The following SMYD2 variants were observed in gnomAD, a reference collection of about 807,000 sequenced individuals.
The protein encoded by SMYD2 is SET and MYND domain containing 2.
In SMYD2, 53 loss-of-function variants were observed where a neutral mutation model predicts 59.1. The observed-to-expected ratio is 0.90, with a 90% confidence interval of 0.72 to 1.13. The LOEUF (loss-of-function observed/expected upper bound fraction) is 1.13, where lower values mean the gene tolerates loss of function less well. Ranked by LOEUF, SMYD2 falls within the 50% of genes most tolerant of loss-of-function variation. The pLI is 0.00. For synonymous variants in SMYD2, 208 were observed against 198.8 expected (o/e 1.05, Z -0.39); for missense variants, 494 against 544.7 (o/e 0.91, Z 0.93).
At chr1:214,324,778 T>C in intron 6 of SMYD2, 70 bp downstream of exon 6, 1 of 1,415,328 alleles carries the variant, frequency 7.1e-7, no homozygotes, top group Non-Finnish European at 9.8e-7. Context: ...TTTTTCATTT[T>C]TAAATAACCC....
At position 214,332,030 on chromosome 1, in the gene SMYD2, T is replaced by C; in HGVS notation, c.950T>C (p.Leu317Pro). ...RAKHYKSPSE[L>P]LEICELSQEK... ...GACTCCACAGCACCCCCTAGTGAGCTGCTGGAGATCTGCGAGCTCAGCCAG... is the reference window on the plus strand; with the variant it reads ...GACTCCACAGCACCCCCTAGTGAGCCGCTGGAGATCTGCGAGCTCAGCCAG... Residue 317 changes from leucine (L) to proline (P), a missense_variant, in exon 10 of 12, where the codon CTG becomes CCG. By Grantham distance (98) the Leu-to-Pro change is moderately conservative (BLOSUM62 -3). Transcript: ENST00000366957. 1 of 1,613,196 alleles carries C rather than the reference T, an allele frequency of 6.2e-7. No individual in the cohort carries two copies. The highest frequency in any genetic ancestry group is 8.5e-7 in the Non-Finnish European group (1 of 1,179,900).
chr1:214,283,536 C>T (rs1218167778), intron 1 of SMYD2, among the ~76,000 whole-genome samples: 2 of 152,122 alleles, frequency 1.3e-5, no homozygotes, highest in Admixed American at 6.5e-5. Flanking sequence ...TATCCTTGTA[C>T]CCTACTTCAT....
intron 11 of SMYD2, among the ~76,000 whole-genome samples, chr1:214,336,159 A>G (rs1377151475): frequency 1.9e-5 from 1 of 52,532 alleles, no homozygotes; most frequent in Non-Finnish European, 3.8e-5. Flanking sequence ...TCGTTTCTCC[A>G]GCTGGATATT....
rs556440975 is a variant in SMYD2 at position 214,329,603 on chromosome 1, C to G, written c.706-565C>G. Among the ~76,000 whole-genome samples, 3 of 152,326 alleles carry G rather than the reference C, an allele frequency of 2.0e-5. No homozygotes were observed. The East Asian group carries it at 5.8e-4, about 29-fold the overall frequency. The stretch of plus-strand genomic sequence containing the variant: ...GCCCGCTGGGCCAGGCCGCAGCATT[C>G]TGGTGTCCTAGAAGATGTGTTCACC... On this transcript the variant is annotated intron_variant, in intron 7 of 11. Coordinates refer to ENST00000366957, the MANE Select transcript of SMYD2 (RefSeq NM_020197.3).
At chr1:214,296,826 A>G (rs1656737348) in intron 1 of SMYD2, among the ~76,000 whole-genome samples, 1 of 152,054 alleles carries the variant, frequency 6.6e-6, no homozygotes, top group Admixed American at 6.6e-5. Context: ...TTCATCCTAA[A>G]TTGTGAGACA....
intron 9 of SMYD2, chr1:214,331,765 T>C (rs1657356783): frequency 5.3e-6 from 2 of 374,266 alleles, no homozygotes; most frequent in African/African-American, 4.1e-5. Flanking sequence ...TTAATCAACA[T>C]TGTTTACATC....
Position 214,320,327 on chromosome 1 carries a change from A to G in SMYD2, c.534+1344A>G, listed in dbSNP as rs77559516. On this transcript the variant is annotated intron_variant, in intron 5 of 11. Coordinates refer to ENST00000366957, the MANE Select transcript of SMYD2 (RefSeq NM_020197.3). ...ACGTAAAGATTAAGTGGAAGTTCAC[A>G]GTTGTCTTCCGAGTTGTGGAAAAAT... Among the ~76,000 whole-genome samples, 593 of 152,350 alleles carry G rather than the reference A, an allele frequency of 3.9e-3. 2 individuals carry two copies. The highest frequency in any genetic ancestry group is 7.1e-3 in the Non-Finnish European group (485 of 68,032).
At chr1:214,305,401 A>C in intron 2 of SMYD2, 151 bp downstream of exon 2, 1 of 742,748 alleles carries the variant, frequency 1.3e-6, no homozygotes, top group Non-Finnish European at 2.3e-6. Context: ...CCCCGACCTC[A>C]CAGGCGGCCA....
At chr1:214,324,577 A>G in intron 5 of SMYD2, 64 bp from the exon 6 acceptor site, 1 of 1,397,610 alleles carries the variant, frequency 7.2e-7, no homozygotes, top group Non-Finnish European at 9.9e-7. Flanking sequence ...ATTTAAAAAA[A>G]TGATCTCTAC....
intron 11 of SMYD2, among the ~76,000 whole-genome samples, chr1:214,336,255 A>G (rs1657434463): frequency 6.6e-6 from 1 of 152,138 alleles, no homozygotes; most frequent in South Asian, 2.1e-4. Context: ...AACCAAGGCC[A>G]GGCACGGTGG....
intron 6 of SMYD2, among the ~76,000 whole-genome samples, chr1:214,325,016 GT>G: frequency 6.6e-6 from 1 of 152,346 alleles, no homozygotes; most frequent in South Asian, 2.1e-4. Flanking sequence ...CTGCCTATCT[GT>G]GGTTCTGGAA....
chr1:214,308,143 C>T (rs1367011415), intron 2 of SMYD2, among the ~76,000 whole-genome samples: 4 of 152,204 alleles, frequency 2.6e-5, no homozygotes, highest in African/African-American at 2.4e-5. Flanking sequence ...TCCTGTGCTT[C>T]TGTTAAGTAT....
At position 214,281,413 on chromosome 1, in the gene SMYD2, G is replaced by C. The variant is rs772152951; in HGVS notation, c.159G>C (p.Glu53Asp). 5 of 1,447,428 alleles carry C rather than the reference G, an allele frequency of 3.5e-6. No homozygotes were observed. Among genetic ancestry groups the C allele is most frequent in the Non-Finnish European group, 4.6e-6 (5 of 1,095,688 alleles). 89.7% of individuals were successfully genotyped at this position (1,447,428 alleles called of 1,614,324 possible). Residue 53 changes from glutamate (E) to aspartate (D), a missense_variant, in exon 1 of 12, where the codon GAG (glutamate) becomes GAC (aspartate). Glu to Asp is a conservative substitution (Grantham distance 45, BLOSUM62 2). Coordinates refer to ENST00000366957, the MANE Select transcript of SMYD2 (RefSeq NM_020197.3). ...LTVNERGNHC[E>D]YCFTRKEGLS... ...TCAACGAGCGGGGCAACCACTGCGA[G>C]TACTGCTTCACCAGGTAGGGCGGCG...
intron 10 of SMYD2, chr1:214,332,693 A>C (rs966763827): frequency 6.5e-5 from 10 of 153,178 alleles, no homozygotes; most frequent in African/African-American, 2.4e-4. Context: ...AAAAGAAACA[A>C]AAATTGCTTT....
intron 5 of SMYD2, 121 bp downstream of exon 5, chr1:214,319,104 G>T: frequency 7.5e-7 from 1 of 1,331,516 alleles, no homozygotes. Flanking sequence ...TGACAACGAA[G>T]CTCTGAGCCA....
chr1:214,281,642 C>T (rs1481710553), intron 1 of SMYD2, among the ~76,000 whole-genome samples: 2 of 152,190 alleles, frequency 1.3e-5, no homozygotes, highest in Non-Finnish European at 2.9e-5. Flanking sequence ...GACCGGTGCC[C>T]CGCTGCACGC....
chr1:214,330,703 T>C (rs538560060), intron 8 of SMYD2, among the ~76,000 whole-genome samples: 1 of 152,404 alleles, frequency 6.6e-6, no homozygotes, highest in Admixed American at 6.5e-5. Flanking sequence ...CACATATATC[T>C]GCCCATAGCC....
intron 7 of SMYD2, among the ~76,000 whole-genome samples, chr1:214,328,586 G>T (rs6660423): frequency 0.013 from 2,041 of 152,282 alleles, 52 homozygotes; most frequent in African/African-American, 0.046. Context: ...TCACACTTGG[G>T]TTAATTTCAG....
chr1:214,316,770 A>G (rs1274815719), intron 3 of SMYD2, among the ~76,000 whole-genome samples: 1 of 152,144 alleles, frequency 6.6e-6, no homozygotes, highest in Non-Finnish European at 1.5e-5. Context: ...AAGGCCATTC[A>G]TGGGTTGCCT....
Sources: gnomAD v4.1 joint callset for allele counts (sites outside exome capture counted in the v4.1 genomes callset) on GRCh38, gnomAD v4.1.1 for gene constraint, MANE v1.5 for transcripts, NCBI Gene and HGNC (gene_info 2026-07-23, HGNC 2026-07-21) for gene names.